Variants in SFMBT2 observed in about 807,000 individuals in gnomAD.
SFMBT2 encodes Scm like with four mbt domains 2, also known as scm-like with four MBT domains protein 2.
SFMBT2 carries 38 observed loss-of-function variants against 110.1 expected under a neutral mutation model. The observed-to-expected ratio is 0.35, with a 90% CI of 0.27 to 0.45. The LOEUF (loss-of-function observed/expected upper bound fraction) is 0.45, where lower values mean the gene tolerates loss of function less well. Ranked by LOEUF, SFMBT2 falls within the 20% of genes least tolerant of loss-of-function variation. The pLI is 1.00. For missense variants in SFMBT2, 1,011 were observed against 1,094.9 expected (o/e 0.92, Z 1.08); for synonymous variants, 425 against 425.4 (o/e 1.00, Z 0.01).
chr10:7,303,374 A>G (rs777888300), intron 4 of SFMBT2, among the ~76,000 whole-genome samples: 6 of 152,248 alleles, frequency 3.9e-5, no homozygotes, highest in Non-Finnish European at 8.8e-5. Context: ...GCAGTAATTC[A>G]TCAATTTATG....
chr10:7,272,252 A>G (rs947076114), intron 7 of SFMBT2, among the ~76,000 whole-genome samples: 16 of 152,180 alleles, frequency 1.1e-4, no homozygotes, highest in African/African-American at 3.6e-4. Flanking sequence ...ACTCTAACCA[A>G]AACTACAGTC....
intron 1 of SFMBT2, among the ~76,000 whole-genome samples, chr10:7,386,650 G>A (rs941726654): frequency 3.9e-5 from 6 of 152,182 alleles, no homozygotes; most frequent in African/African-American, 1.4e-4. Context: ...GTGATTTGGA[G>A]TTAAAATGAA....
At chr10:7,394,325 C>T (rs867219507) in intron 1 of SFMBT2, among the ~76,000 whole-genome samples, 1 of 151,854 alleles carries the variant, frequency 6.6e-6, no homozygotes, top group Non-Finnish European at 1.5e-5. Flanking sequence ...TCGATGCCCA[C>T]CCCTAAAAAT....
At chr10:7,401,656 G>A (rs1034021328) in intron 1 of SFMBT2, among the ~76,000 whole-genome samples, 3 of 152,094 alleles carry the variant, frequency 2.0e-5, no homozygotes, top group Admixed American at 6.5e-5. Context: ...GATGGGCTCA[G>A]GATCAACCCT....
intron 11 of SFMBT2, chr10:7,215,529 C>T (rs1485132634): frequency 1.0e-6 from 1 of 985,076 alleles, no homozygotes; most frequent in African/African-American, 1.7e-5. Context: ...TTATCCAACA[C>T]TGTACATGGG....
At chr10:7,366,435 A>C (rs1588484911) in intron 4 of SFMBT2, among the ~76,000 whole-genome samples, 1 of 151,730 alleles carries the variant, frequency 6.6e-6, no homozygotes, top group Admixed American at 6.6e-5. Flanking sequence ...TCATAACAAA[A>C]AAAAAAAAAA....
At chr10:7,377,168 CAAAAAAAAAAAAA>C (rs58212127) in intron 2 of SFMBT2, among the ~76,000 whole-genome samples, 1 of 83,824 alleles carries the variant, frequency 1.2e-5, no homozygotes, top group Non-Finnish European at 2.3e-5. Flanking sequence ...GACTCCATCT[CAAAAAAAAAAAAA>C]AAAAAAAAAA....
intron 11 of SFMBT2, chr10:7,215,446 G>T: frequency 1.6e-6 from 1 of 606,840 alleles, no homozygotes; most frequent in Non-Finnish European, 2.1e-6. Flanking sequence ...TGTTTCCTAT[G>T]GTCTTGAACC....
intron 12 of SFMBT2, chr10:7,205,471 A>G (rs548809984): frequency 1.0e-6 from 1 of 985,072 alleles, no homozygotes; most frequent in South Asian, 4.7e-5. Context: ...GAGAAAAATC[A>G]GTTCTTTTAA....
At chr10:7,300,121 A>G (rs1842516096) in intron 4 of SFMBT2, among the ~76,000 whole-genome samples, 1 of 152,152 alleles carries the variant, frequency 6.6e-6, no homozygotes, top group South Asian at 2.1e-4. Flanking sequence ...AAGATTGAGA[A>G]CACATGGACA....
chr10:7,387,946 C>CAA (rs377383266), intron 1 of SFMBT2, among the ~76,000 whole-genome samples: 75 of 107,252 alleles, frequency 7.0e-4, no homozygotes, highest in Middle Eastern at 0.011. Flanking sequence ...AACTCTGTTT[C>CAA]AAAAAAAAAA....
intron 7 of SFMBT2, among the ~76,000 whole-genome samples, chr10:7,264,829 A>T (rs1841329672): frequency 6.6e-6 from 1 of 151,954 alleles, no homozygotes; most frequent in Non-Finnish European, 1.5e-5. Context: ...CTTATTCCTC[A>T]AGTTCCTTAT....
chr10:7,407,867 T>A (rs370843384), intron 1 of SFMBT2, among the ~76,000 whole-genome samples: 1 of 152,014 alleles, frequency 6.6e-6, no homozygotes, highest in East Asian at 1.9e-4. Flanking sequence ...GGGAACTCCC[T>A]CGGCTTTTCG....
intron 4 of SFMBT2, among the ~76,000 whole-genome samples, chr10:7,324,448 A>G (rs7919975): frequency 0.42 from 64,567 of 152,000 alleles, 14,571 homozygotes; most frequent in African/African-American, 0.6. Context: ...GAGACCAGGC[A>G]GGGGAGCTCC....
At chr10:7,365,804 G>C (rs1844875083) in intron 4 of SFMBT2, among the ~76,000 whole-genome samples, 1 of 152,190 alleles carries the variant, frequency 6.6e-6, no homozygotes, top group Non-Finnish European at 1.5e-5. Flanking sequence ...AAGTGCATTA[G>C]TGTTTGCCAA....
intron 1 of SFMBT2, among the ~76,000 whole-genome samples, chr10:7,389,486 G>A (rs1223700540): frequency 2.6e-5 from 4 of 152,152 alleles, no homozygotes; most frequent in Non-Finnish European, 5.9e-5. Context: ...ACATTCAGAA[G>A]ACTGGGCTTA....
chr10:7,259,154 C>G (rs995181026), intron 7 of SFMBT2, among the ~76,000 whole-genome samples: 3 of 152,176 alleles, frequency 2.0e-5, no homozygotes, highest in Non-Finnish European at 4.4e-5. Context: ...CAGAAAGAAG[C>G]AAGAGCTGGG....
At chr10:7,368,325 C>T (rs1224292481) in intron 3 of SFMBT2, 2 of 985,128 alleles carry the variant, frequency 2.0e-6, no homozygotes, top group African/African-American at 3.5e-5. Context: ...CCATGAACAA[C>T]ATGGCCCTAG....
intron 8 of SFMBT2, among the ~76,000 whole-genome samples, chr10:7,244,949 C>T (rs928160917): frequency 6.6e-6 from 1 of 152,146 alleles, no homozygotes; most frequent in African/African-American, 2.4e-5. Context: ...CTCATCCTCC[C>T]ACCACCTGAA....
Sources: gnomAD v4.1 joint callset for allele counts (sites outside exome capture counted in the v4.1 genomes callset) on GRCh38, gnomAD v4.1.1 for gene constraint, MANE v1.5 for transcripts, NCBI Gene and HGNC (gene_info 2026-07-23, HGNC 2026-07-21) for gene names.